The following CPED1 variants were observed in gnomAD, a reference collection of about 807,000 sequenced individuals.
CPED1 encodes the protein cadherin-like and PC-esterase domain-containing protein 1.
In CPED1, 114 loss-of-function variants were observed where a neutral mutation model predicts 128.2. That is an observed-to-expected ratio of 0.89 (90% CI 0.76 to 1.04). The LOEUF is 1.04. Ranked by LOEUF, CPED1 falls within the 50% of genes least tolerant of loss-of-function variation. The pLI is 0.00. For missense variants in CPED1, 1,211 were observed against 1,207.1 expected, an observed-to-expected ratio of 1.00 and a Z score of -0.05; for synonymous variants, 462 against 426.7, an observed-to-expected ratio of 1.08 and a Z score of -1.02.
chr7:121,126,679 A>G (rs1795512126), intron 9 of CPED1, among the ~76,000 whole-genome samples: 1 of 152,122 alleles, frequency 6.6e-6, no homozygotes, highest in South Asian at 2.1e-4. Flanking sequence ...AGATTTCTCC[A>G]TAAAAATTTA....
chr7:121,213,483 GTT>G (rs1797692214), intron 16 of CPED1, among the ~76,000 whole-genome samples: 1 of 152,000 alleles, frequency 6.6e-6, no homozygotes, highest in Non-Finnish European at 1.5e-5. Flanking sequence ...CTCTTTAAGA[GTT>G]AGGTGTACCT....
intron 18 of CPED1, among the ~76,000 whole-genome samples, chr7:121,257,849 CA>C (rs1791921829): frequency 6.6e-6 from 1 of 151,970 alleles, no homozygotes; most frequent in Non-Finnish European, 1.5e-5. Context: ...ATAACAGTTA[CA>C]AAAATAGAAA....
At chr7:121,065,003 C>T (rs1302320620) in intron 5 of CPED1, among the ~76,000 whole-genome samples, 1 of 152,062 alleles carries the variant, frequency 6.6e-6, no homozygotes, top group Non-Finnish European at 1.5e-5. Context: ...TTCTTTACTA[C>T]ATAATTAAAA....
intron 6 of CPED1, 120 bp downstream of exon 6, chr7:121,097,951 A>G (rs769467310): frequency 1.3e-5 from 13 of 975,286 alleles, no homozygotes; most frequent in Non-Finnish European, 1.8e-5. Context: ...TCTCTTACAT[A>G]AATTTTCAGC....
intron 2 of CPED1, among the ~76,000 whole-genome samples, chr7:120,993,192 A>G (rs1404799976): frequency 1.3e-5 from 2 of 152,234 alleles, no homozygotes; most frequent in Non-Finnish European, 2.9e-5. Flanking sequence ...AGGTCACTCA[A>G]TAGATTTATC....
At chr7:121,026,676 A>G (rs2116846035) in intron 3 of CPED1, among the ~76,000 whole-genome samples, 1 of 152,004 alleles carries the variant, frequency 6.6e-6, no homozygotes, top group South Asian at 2.1e-4. Flanking sequence ...TAAAAAAAAA[A>G]AAAAAAAAGT....
Position 121,236,734 on chromosome 7 carries a change from T to G in CPED1, c.2076T>G (p.His692Gln), listed in dbSNP as rs138859248. Residue 692 changes from histidine (H) to glutamine (Q), a missense_variant, in exon 17 of 23, where the codon CAT (histidine) becomes CAG (glutamine). By Grantham distance (24) the His-to-Gln change is conservative. Transcript: ENST00000310396. ...GFVQDCGLLI[H>Q]PEETCGLQPI... is the part of the protein sequence containing the mutation. ...TGCAGGATTGTGGTTTGCTGATTCA[T>G]CCAGAGGAAACCTGTGGGTTACAGC... 6.2e-7 allele frequency: 1 copy of G among 1,601,632 alleles called. No homozygotes were observed. The highest frequency in any genetic ancestry group is 1.8e-5 in the Admixed American group (1 of 57,112).
At chr7:121,097,581 A>G (rs1794729437) in intron 5 of CPED1, 118 bp from the exon 6 acceptor site, 7 of 1,127,908 alleles carry the variant, frequency 6.2e-6, no homozygotes, top group Non-Finnish European at 6.3e-6. Context: ...GAATGGGGAG[A>G]AAAATGGTTG....
In CPED1 at chr7:121,103,631, T is replaced by C. The variant is rs144486997; in HGVS notation, c.918+3537T>C. Among the ~76,000 whole-genome samples the C allele has an allele frequency of 2.0e-5, 3 of 152,254 alleles. No homozygotes were observed. The East Asian group carries it at 5.8e-4, about 29-fold the overall frequency. On this transcript the variant is annotated intron_variant, in intron 7 of 22. Coordinates refer to ENST00000310396, the MANE Select transcript of CPED1 (RefSeq NM_024913.5). ...AAAAACTACCCACGCTATACCAGCA[T>C]GTTATTAAACACTGTCCTTAAATTC...
At chr7:121,220,669 A>C (rs1314086850) in intron 16 of CPED1, among the ~76,000 whole-genome samples, 1 of 152,016 alleles carries the variant, frequency 6.6e-6, no homozygotes, top group African/African-American at 2.4e-5. Context: ...ATATTTTTAA[A>C]TTGTAGTTTT....
At position 121,097,754 on chromosome 7, in the gene CPED1, G is replaced by GC; in HGVS notation, c.674dup (p.Ser226GlufsTer23). The GC allele has an allele frequency of 6.8e-6, 11 of 1,613,874 alleles. No homozygotes were observed. The highest frequency in any genetic ancestry group is 9.3e-6 in the Non-Finnish European group (11 of 1,179,806). The stretch of plus-strand genomic sequence containing the variant: ...GTCTGGATCAGGGAATGCAATTAAA[G>GC]CCGAGTACTTCGAGTCACCTTTTAA... On this transcript the variant is annotated frameshift_variant, in exon 6 of 23. Coordinates refer to ENST00000310396, the MANE Select transcript of CPED1 (RefSeq NM_024913.5). LOFTEE classifies it high-confidence loss of function.
chr7:121,130,741 T>C (rs192694033), intron 12 of CPED1, among the ~76,000 whole-genome samples: 10 of 152,112 alleles, frequency 6.6e-5, no homozygotes, highest in African/African-American at 2.2e-4. Context: ...TATATACATA[T>C]GTTCTGTCTT....
intron 20 of CPED1, 125 bp downstream of exon 20, chr7:121,266,933 T>C (rs1792138881): frequency 1.4e-6 from 1 of 710,592 alleles, no homozygotes; most frequent in Admixed American, 2.6e-5. Flanking sequence ...GTACTTAAAG[T>C]CTAGTTTAAA....
chr7:121,141,684 G>T (rs187148559), intron 15 of CPED1, among the ~76,000 whole-genome samples: 64 of 152,088 alleles, frequency 4.2e-4, no homozygotes, highest in African/African-American at 1.2e-3. Context: ...CAATCCTATT[G>T]TATTAAATGA....
At chr7:121,210,357 T>C (rs1355392897) in intron 16 of CPED1, among the ~76,000 whole-genome samples, 1 of 152,010 alleles carries the variant, frequency 6.6e-6, no homozygotes, top group Non-Finnish European at 1.5e-5. Flanking sequence ...ATAGCTGCAC[T>C]CCCGTGTTTA....
At chr7:120,996,123 TA>T (rs35426172) in intron 2 of CPED1, among the ~76,000 whole-genome samples, 32,354 of 150,778 alleles carry the variant, frequency 0.21, 3,702 homozygotes, top group African/African-American at 0.24. Context: ...CACAAAAAGT[TA>T]AAAAAAAATT....
At chr7:121,268,644 G>A (rs1297967016) in intron 21 of CPED1, among the ~76,000 whole-genome samples, 1 of 104,612 alleles carries the variant, frequency 9.6e-6, no homozygotes, top group African/African-American at 7.7e-5. Context: ...ACACAAGTGT[G>A]TGCACACACA....
At chr7:121,262,014 G>C in intron 18 of CPED1, 1 of 347,430 alleles carries the variant, frequency 2.9e-6, no homozygotes, top group Non-Finnish European at 5.4e-6. Context: ...TTTGGGTCAT[G>C]GGGATGGATC....
chr7:121,130,259 C>T lies in CPED1; in HGVS notation c.1542C>T (p.Phe514=), dbSNP rs746266621. The change falls in exon 12 of 23, where the codon TTC becomes TTT. Residue 514 remains phenylalanine, a synonymous_variant. Coordinates refer to ENST00000310396, the MANE Select transcript of CPED1 (RefSeq NM_024913.5). ...TAAATGTATTTGAACAATTTCAGTT[C>T]ATGAATAAAAAGACACAGCCACATC... ...SLLNVFEQFQ[F]MNKKTQPHPL... is the part of the protein sequence containing the mutation. The T allele has an allele frequency of 1.2e-6, 2 of 1,607,350 alleles. No homozygotes were observed. The highest frequency in any genetic ancestry group is 1.7e-6 in the Non-Finnish European group (2 of 1,177,406).
Sources: gnomAD v4.1 joint callset for allele counts (sites outside exome capture counted in the v4.1 genomes callset) on GRCh38, gnomAD v4.1.1 for gene constraint, MANE v1.5 for transcripts, NCBI Gene and HGNC (gene_info 2026-07-23, HGNC 2026-07-21) for gene names.